Variants in ANKS1B observed in about 807,000 individuals in gnomAD.
ANKS1B encodes the protein ankyrin repeat and sterile alpha motif domain containing 1B.
In ANKS1B, 36 loss-of-function variants were observed where a neutral mutation model predicts 148.3. That is an observed-to-expected ratio of 0.24 (90% CI 0.19 to 0.32). The LOEUF is 0.32. Ranked by LOEUF, ANKS1B falls within the 10% of genes least tolerant of loss-of-function variation. The pLI, the probability that ANKS1B is intolerant of heterozygous loss-of-function variation, is 1.00. For missense variants in ANKS1B, 1,157 were observed against 1,542.6 expected (o/e 0.75, Z 4.19); for synonymous variants, 542 against 560.8 (o/e 0.97, Z 0.47).
At chr12:99,119,166 A>C (rs1410321029) in intron 15 of ANKS1B, among the ~76,000 whole-genome samples, 1 of 152,146 alleles carries the variant, frequency 6.6e-6, no homozygotes, top group Non-Finnish European at 1.5e-5. Context: ...AAATACAAAC[A>C]CATGTATCTT....
In ANKS1B at chr12:99,284,611, T is replaced by C. The variant is rs567107989; in HGVS notation, c.1757-37747A>G. ...AGTGTTTTTTTTCTTGCCAGGACAA[T>C]GACAAAAGCTTTTCAACCAGTCTCT... On this transcript the variant is annotated intron_variant, in intron 12 of 26. Transcript: ENST00000683438. 1.0e-3 allele frequency among the ~76,000 whole-genome samples: 159 copies of C among 152,256 alleles called. 2 individuals are homozygous for C. In the Middle Eastern group the frequency reaches 0.024, roughly 23 times the overall value.
intron 26 of ANKS1B, among the ~76,000 whole-genome samples, chr12:98,748,092 G>A (rs2097943890): frequency 6.6e-6 from 1 of 152,178 alleles, no homozygotes; most frequent in African/African-American, 2.4e-5. Flanking sequence ...AAAATAACTA[G>A]AAGAATTGTA....
intron 9 of ANKS1B, among the ~76,000 whole-genome samples, chr12:99,641,694 A>G (rs755132040): frequency 1.3e-5 from 2 of 152,198 alleles, no homozygotes; most frequent in Non-Finnish European, 2.9e-5. Context: ...ATGATAACCA[A>G]TATCATTGAT....
At chr12:98,931,878 T>C (rs1348828200) in intron 17 of ANKS1B, among the ~76,000 whole-genome samples, 1 of 152,160 alleles carries the variant, frequency 6.6e-6, no homozygotes, top group African/African-American at 2.4e-5. Context: ...CTGAAAGAGA[T>C]TGGTGTCCCT....
intron 9 of ANKS1B, among the ~76,000 whole-genome samples, chr12:99,565,982 C>T (rs2097388231): frequency 6.6e-6 from 1 of 152,146 alleles, no homozygotes; most frequent in Admixed American, 6.5e-5. Flanking sequence ...GTGAGGCACA[C>T]CCTTAATCTC....
chr12:99,566,023 A>C (rs1450682400), intron 9 of ANKS1B, among the ~76,000 whole-genome samples: 2 of 152,118 alleles, frequency 1.3e-5, no homozygotes, highest in African/African-American at 2.4e-5. Context: ...GAATACGCTG[A>C]CATTTTGATC....
At chr12:99,418,490 T>C (rs11109834) in intron 11 of ANKS1B, among the ~76,000 whole-genome samples, 40,604 of 152,138 alleles carry the variant, frequency 0.27, 5,578 homozygotes, top group East Asian at 0.44. Context: ...GTGACCTTGT[T>C]GAGCTCACTT....
rs60542272 is a variant in ANKS1B at position 99,761,065 on chromosome 12, CA to C, written c.1128+11856del. On this transcript the variant is annotated intron_variant, in intron 8 of 26. Coordinates refer to ENST00000683438, the MANE Select transcript of ANKS1B (RefSeq NM_001352186.2). ...AATCAGTAATAAAAAGCCTAACAAC[CA>C]AAAAAAAAAAAAAAAAACCCTGGAC... Among the ~76,000 whole-genome samples, 256 of 98,712 alleles carry C rather than the reference CA, an allele frequency of 2.6e-3. 2 individuals are homozygous for C. The highest frequency in any genetic ancestry group is 6.3e-3 in the Middle Eastern group (1 of 158). 64.8% of individuals were successfully genotyped at this position (98,712 alleles called of 152,430 possible).
intron 14 of ANKS1B, among the ~76,000 whole-genome samples, chr12:99,156,682 T>A (rs61940185): frequency 0.2 from 30,517 of 152,136 alleles, 3,468 homozygotes; most frequent in East Asian, 0.41. Flanking sequence ...TTATGAAACC[T>A]CTTCTAATCT....
intron 8 of ANKS1B, among the ~76,000 whole-genome samples, chr12:99,684,567 G>C (rs1447840783): frequency 2.6e-5 from 4 of 151,602 alleles, no homozygotes; most frequent in Middle Eastern, 3.4e-3. Context: ...CACCAAACTA[G>C]AAAAAACAAT....
chr12:99,716,056 C>T (rs928925756), intron 8 of ANKS1B, among the ~76,000 whole-genome samples: 2 of 152,084 alleles, frequency 1.3e-5, no homozygotes, highest in African/African-American at 4.8e-5. Context: ...GCAGCAAGTC[C>T]CGCTTTTCTG....
chr12:99,799,602 T>A (rs186999819), intron 4 of ANKS1B, among the ~76,000 whole-genome samples: 5 of 152,230 alleles, frequency 3.3e-5, no homozygotes, highest in Admixed American at 3.3e-4. Flanking sequence ...GGCTAGGGTA[T>A]CCTCATAGGG....
At chr12:99,693,495 C>T (rs1019162185) in intron 8 of ANKS1B, among the ~76,000 whole-genome samples, 4 of 152,008 alleles carry the variant, frequency 2.6e-5, no homozygotes, top group African/African-American at 7.2e-5. Flanking sequence ...GTATGGTTGG[C>T]GGTAAGATGG....
intron 17 of ANKS1B, among the ~76,000 whole-genome samples, chr12:98,984,378 G>T (rs577316517): frequency 6.6e-6 from 1 of 152,260 alleles, no homozygotes; most frequent in African/African-American, 2.4e-5. Context: ...CATCTGGAGA[G>T]GCTGTGAATT....
intron 4 of ANKS1B, among the ~76,000 whole-genome samples, chr12:99,792,462 G>A (rs751756060): frequency 2.0e-5 from 3 of 151,836 alleles, no homozygotes; most frequent in Non-Finnish European, 4.4e-5. Flanking sequence ...CAATATCTCT[G>A]ATTACTATTG....
In ANKS1B at chr12:99,246,605, T is replaced by C; in HGVS notation, c.2016A>G (p.Thr672=). ...KKIKPKVVSR[T]IFHKKSNQLE... ...GTTGGTTGCTTTTTTTGTGAAAAAT[T>C]GTTCTACTGACCACTTTGGGTTTAA... The change falls in exon 13 of 27, where the codon ACA becomes ACG. Residue 672 remains threonine (T), a synonymous_variant. Transcript: ENST00000683438. 2.5e-6 allele frequency: 4 copies of C among 1,613,536 alleles called. No homozygotes were observed. Among genetic ancestry groups the C allele is most frequent in the Non-Finnish European group, 2.5e-6 (3 of 1,179,664 alleles).
rs1450362335 is a variant in ANKS1B, at chr12:98,807,363, T to C, written c.3141+481A>G. ...CACCTCCCCCCACATTTGCATAAAA[T>C]GTATACAGAATAACATGCAAATCAT... On this transcript the variant is annotated intron_variant, in intron 20 of 26. Transcript: ENST00000683438. 2.0e-5 allele frequency among the ~76,000 whole-genome samples: 3 copies of C among 152,098 alleles called. No individual in the cohort carries two copies. The East Asian group carries it at 5.8e-4, about 29-fold the overall frequency.
chr12:99,487,408 A>G (rs1396304763), intron 10 of ANKS1B, among the ~76,000 whole-genome samples: 1 of 152,174 alleles, frequency 6.6e-6, no homozygotes, highest in East Asian at 1.9e-4. Flanking sequence ...TGACATAGAC[A>G]TGCTTTTCTA....
chr12:99,478,467 C>A (rs905082036), intron 10 of ANKS1B, among the ~76,000 whole-genome samples: 1 of 152,058 alleles, frequency 6.6e-6, no homozygotes, highest in African/African-American at 2.4e-5. Context: ...TCTGAAGTCA[C>A]TCCCATGTAC....
Sources: allele counts gnomAD v4.1 joint callset (sites outside exome capture counted in the v4.1 genomes callset), GRCh38; gene constraint gnomAD v4.1.1; transcripts MANE v1.5; gene names NCBI Gene and HGNC (gene_info 2026-07-23, HGNC 2026-07-21).